LRRTM4: variants seen among roughly 807,000 people sequenced by gnomAD.
The protein encoded by LRRTM4 is leucine-rich repeat transmembrane neuronal protein 4.
In LRRTM4, 25 loss-of-function variants were observed where a neutral mutation model predicts 47.6. The ratio of observed to expected loss-of-function variants is 0.53; its 90% CI spans 0.38 to 0.73. The LOEUF is 0.73. Among genes scored for constraint, LRRTM4 ranks in the 30% least tolerant of loss-of-function variants. The pLI, the probability that LRRTM4 is intolerant of heterozygous loss-of-function variation, is 0.00. For synonymous variants in LRRTM4, 311 were observed against 269.5 expected (o/e 1.15, Z -1.51); for missense variants, 638 against 713.4 (o/e 0.89, Z 1.20).
chr2:77,299,847 ATTTT>A (rs145008759), intron 3 of LRRTM4, among the ~76,000 whole-genome samples: 48 of 114,190 alleles, frequency 4.2e-4, no homozygotes, highest in South Asian at 1.7e-3. Context: ...TAAGGTAATG[ATTTT>A]TTTTTTTTTT....
At chr2:77,312,340 C>G (rs1048151597) in intron 3 of LRRTM4, among the ~76,000 whole-genome samples, 2 of 152,098 alleles carry the variant, frequency 1.3e-5, no homozygotes, top group Non-Finnish European at 2.9e-5. Context: ...AAAAATGCTG[C>G]TATTGAATCC....
intron 3 of LRRTM4, among the ~76,000 whole-genome samples, chr2:77,325,447 G>A (rs67577207): frequency 0.16 from 24,939 of 152,020 alleles, 2,609 homozygotes; most frequent in East Asian, 0.42. Flanking sequence ...AGCTATATAG[G>A]GCTCTGGATT....
chr2:77,092,065 A>G (rs577733523), intron 3 of LRRTM4, among the ~76,000 whole-genome samples: 2 of 152,186 alleles, frequency 1.3e-5, no homozygotes, highest in African/African-American at 4.8e-5. Flanking sequence ...GGCCCTCAAA[A>G]TCACAAACTG....
intron 3 of LRRTM4, chr2:77,009,766 C>G (rs1038127585): frequency 1.3e-5 from 2 of 152,058 alleles, no homozygotes; most frequent in African/African-American, 2.4e-5. Context: ...AGCACACTTT[C>G]TCTACCAATA....
chr2:76,821,136 A>T (rs1217033801), intron 3 of LRRTM4, among the ~76,000 whole-genome samples: 8 of 151,740 alleles, frequency 5.3e-5, no homozygotes, highest in Non-Finnish European at 1.0e-4. Context: ...GTCTGTGACC[A>T]GGTTAAGAAA....
At chr2:76,928,142 A>T (rs898745986) in intron 3 of LRRTM4, among the ~76,000 whole-genome samples, 14 of 152,186 alleles carry the variant, frequency 9.2e-5, no homozygotes, top group African/African-American at 3.4e-4. Context: ...GAAGGACAGG[A>T]GCCATGTGGA....
chr2:77,145,517 C>T (rs547556421), intron 3 of LRRTM4, among the ~76,000 whole-genome samples: 1 of 151,574 alleles, frequency 6.6e-6, no homozygotes, highest in Non-Finnish European at 1.5e-5. Flanking sequence ...GCTTGTAATC[C>T]CAGCACTTTG....
intron 3 of LRRTM4, among the ~76,000 whole-genome samples, chr2:77,087,248 TAAGTG>T (rs1433296378): frequency 2.0e-5 from 3 of 152,202 alleles, no homozygotes; most frequent in Admixed American, 6.5e-5. Context: ...GCCTATTTCC[TAAGTG>T]AATTGATGAA....
intron 3 of LRRTM4, among the ~76,000 whole-genome samples, chr2:77,079,355 T>G (rs547263666): frequency 6.6e-6 from 1 of 152,312 alleles, no homozygotes; most frequent in East Asian, 1.9e-4. Flanking sequence ...ACAGTTTTAT[T>G]GAAACACATC....
At chr2:77,436,665 T>C (rs1675611303) in intron 3 of LRRTM4, among the ~76,000 whole-genome samples, 2 of 151,806 alleles carry the variant, frequency 1.3e-5, no homozygotes, top group African/African-American at 2.4e-5. Context: ...ATGCATAATC[T>C]TTTGATAATG....
chr2:77,449,619 C>T (rs560921772), intron 3 of LRRTM4, among the ~76,000 whole-genome samples: 2 of 152,266 alleles, frequency 1.3e-5, no homozygotes, highest in East Asian at 3.9e-4. Flanking sequence ...GAAGCACCCT[C>T]CACCAGCCTT....
At chr2:77,483,371 C>G (rs1341802563) in intron 3 of LRRTM4, among the ~76,000 whole-genome samples, 2 of 151,994 alleles carry the variant, frequency 1.3e-5, no homozygotes, top group Non-Finnish European at 2.9e-5. Flanking sequence ...GGGACAGTCT[C>G]TCTCTGTAGC....
At chr2:77,149,312 A>G (rs180832257) in intron 3 of LRRTM4, among the ~76,000 whole-genome samples, 1 of 152,184 alleles carries the variant, frequency 6.6e-6, no homozygotes, top group East Asian at 1.9e-4. Flanking sequence ...TTATTTTATC[A>G]GTTTTTTTTT....
chr2:77,137,322 G>T (rs1671974468), intron 3 of LRRTM4, among the ~76,000 whole-genome samples: 1 of 151,828 alleles, frequency 6.6e-6, no homozygotes. Context: ...CCAATATTCA[G>T]CATTCTTAAA....
intron 3 of LRRTM4, among the ~76,000 whole-genome samples, chr2:77,362,748 T>G (rs1672290125): frequency 6.6e-6 from 1 of 152,160 alleles, no homozygotes; most frequent in African/African-American, 2.4e-5. Flanking sequence ...TCCTTTCTTT[T>G]ACTTTTTGTT....
At chr2:77,143,919 G>A (rs187274342) in intron 3 of LRRTM4, among the ~76,000 whole-genome samples, 23 of 152,326 alleles carry the variant, frequency 1.5e-4, no homozygotes, top group Admixed American at 7.8e-4. Context: ...AAAATACACT[G>A]TAGTCATCAC....
chr2:76,996,127 A>T (rs1427747852), intron 3 of LRRTM4, among the ~76,000 whole-genome samples: 1 of 152,050 alleles, frequency 6.6e-6, no homozygotes, highest in African/African-American at 2.4e-5. Flanking sequence ...ATGCAAAAGC[A>T]CCAATTAGAA....
chr2:77,504,956 A>C (rs1351731853), intron 3 of LRRTM4, among the ~76,000 whole-genome samples: 1 of 151,412 alleles, frequency 6.6e-6, no homozygotes, highest in Non-Finnish European at 1.5e-5. Flanking sequence ...ACAAAGGCAA[A>C]TTTTCATGAA....
At chr2:77,395,804 A>G (rs867960394) in intron 3 of LRRTM4, among the ~76,000 whole-genome samples, 2 of 152,108 alleles carry the variant, frequency 1.3e-5, no homozygotes, top group African/African-American at 4.8e-5. Context: ...CAAATTATTT[A>G]AAACACTCAG....
Sources: gnomAD v4.1 joint callset for allele counts (sites outside exome capture counted in the v4.1 genomes callset) on GRCh38, gnomAD v4.1.1 for gene constraint, MANE v1.5 for transcripts, NCBI Gene and HGNC (gene_info 2026-07-23, HGNC 2026-07-21) for gene names.